The following GLIS3 variants were observed in gnomAD, a reference collection of about 807,000 sequenced individuals.
The protein encoded by GLIS3 is GLIS family zinc finger 3, also known as zinc finger protein GLIS3.
A neutral mutation model predicts 78.6 loss-of-function variants in GLIS3; 53 were observed. The ratio of observed to expected loss-of-function variants is 0.67; its 90% CI spans 0.54 to 0.85. The LOEUF (loss-of-function observed/expected upper bound fraction) is 0.85. GLIS3 is among the 40% of genes least tolerant of loss of function. GLIS3 has a pLI of 0.00. For missense variants in GLIS3, 1,703 were observed against 1,231.1 expected, an observed-to-expected ratio of 1.38 and a Z score of -5.74; for synonymous variants, 684 against 509.9, an observed-to-expected ratio of 1.34 and a Z score of -4.60.
At chr9:4,107,653 G>A (rs564131022) in intron 4 of GLIS3, among the ~76,000 whole-genome samples, 8 of 151,804 alleles carry the variant, frequency 5.3e-5, no homozygotes, top group African/African-American at 1.5e-4. Context: ...TACTGCCCAA[G>A]AGTATCTTTC....
At chr9:4,380,809 G>C in the GLIS3 span, among the ~76,000 whole-genome samples, 1 of 152,164 alleles carries the variant, frequency 6.6e-6, no homozygotes, top group Non-Finnish European at 1.5e-5. Context: ...TTTTGGGATG[G>C]GAGATGCAAG....
At chr9:4,019,949 G>C (rs1822748296) in intron 4 of GLIS3, among the ~76,000 whole-genome samples, 1 of 152,048 alleles carries the variant, frequency 6.6e-6, no homozygotes, top group Admixed American at 6.6e-5. Flanking sequence ...GTAGAGACGG[G>C]GTATTGTTAT....
the GLIS3 span, among the ~76,000 whole-genome samples, chr9:4,357,067 C>A: frequency 6.6e-6 from 1 of 152,204 alleles, no homozygotes; most frequent in South Asian, 2.1e-4. Context: ...ACAAACAGAA[C>A]TGAAACAAAA....
At chr9:4,212,307 T>G (rs138570225) in intron 2 of GLIS3, among the ~76,000 whole-genome samples, 45 of 152,342 alleles carry the variant, frequency 3.0e-4, no homozygotes, top group African/African-American at 1.0e-3. Flanking sequence ...GTCTTCAGCT[T>G]CATTTCACAG....
chr9:4,179,794 C>G (rs1359810706), intron 2 of GLIS3, among the ~76,000 whole-genome samples: 3 of 151,784 alleles, frequency 2.0e-5, no homozygotes, highest in Non-Finnish European at 4.4e-5. Flanking sequence ...CCTGTAATCC[C>G]AGCTACCCAG....
At chr9:4,262,403 G>A (rs370950891) in intron 2 of GLIS3, among the ~76,000 whole-genome samples, 54 of 152,232 alleles carry the variant, frequency 3.5e-4, no homozygotes, top group African/African-American at 1.3e-3. Flanking sequence ...AAACAAGCAA[G>A]CTGGAGAGGG....
At chr9:4,275,909 T>G (rs972296979) in intron 2 of GLIS3, among the ~76,000 whole-genome samples, 1 of 152,130 alleles carries the variant, frequency 6.6e-6, no homozygotes, top group Admixed American at 6.5e-5. Context: ...TCAAATCACA[T>G]GAGATAATCA....
At chr9:4,395,496 T>C in the GLIS3 span, among the ~76,000 whole-genome samples, 2 of 152,190 alleles carry the variant, frequency 1.3e-5, no homozygotes, top group African/African-American at 4.8e-5. Context: ...CCAGCTCCGA[T>C]GCTCTAGCTG....
chr9:4,277,730 G>A (rs963215570), intron 2 of GLIS3, among the ~76,000 whole-genome samples: 5 of 152,144 alleles, frequency 3.3e-5, no homozygotes, highest in Non-Finnish European at 7.4e-5. Flanking sequence ...ATTCCTCCGG[G>A]TACTACAAAT....
chr9:4,422,984 G>A, the GLIS3 span, among the ~76,000 whole-genome samples: 1 of 152,168 alleles, frequency 6.6e-6, no homozygotes, highest in African/African-American at 2.4e-5. Flanking sequence ...CATCACAGGA[G>A]TCAAAAGAGA....
intron 2 of GLIS3, among the ~76,000 whole-genome samples, chr9:4,340,819 C>A (rs910085044): frequency 6.6e-6 from 1 of 152,090 alleles, no homozygotes; most frequent in African/African-American, 2.4e-5. Context: ...CCTCAGCCAC[C>A]CAAGTAGCTA....
chr9:4,105,622 AC>A (rs1830690750), intron 4 of GLIS3, among the ~76,000 whole-genome samples: 1 of 152,096 alleles, frequency 6.6e-6, no homozygotes, highest in Admixed American at 6.5e-5. Context: ...TATTTTCCTG[AC>A]TCTGTGGTCT....
chr9:3,956,836 C>T lies in GLIS3; in HGVS notation c.1711-19647G>A, dbSNP rs866417421. On this transcript the variant is annotated intron_variant, in intron 4 of 10. Transcript: ENST00000381971. ...TTTATCTGGCTTTTTTCTTTTGCAGCTTCACTGACATGATGAGAGCTCCCC... is the reference window on the plus strand; with the variant it reads ...TTTATCTGGCTTTTTTCTTTTGCAGTTTCACTGACATGATGAGAGCTCCCC... 1.4e-4 allele frequency among the ~76,000 whole-genome samples: 22 copies of T among 152,146 alleles called. 1 individual carries two copies. The highest frequency in any genetic ancestry group is 1.4e-3 in the Admixed American group (21 of 15,264).
At position 3,898,824 on chromosome 9, in the gene GLIS3, G is replaced by C. The variant is rs755350906; in HGVS notation, c.1995C>G (p.Ser665Arg). The C allele has an allele frequency of 2.2e-5, 36 of 1,613,984 alleles. No individual in the cohort carries two copies. Among genetic ancestry groups the C allele is most frequent in the Non-Finnish European group, 2.8e-5 (33 of 1,180,032 alleles). The change falls in exon 7 of 11, where the codon AGC becomes AGG. Residue 665 changes from serine to arginine, a missense_variant. By Grantham distance (110) the Ser-to-Arg change is moderately radical. Coordinates refer to ENST00000381971, the MANE Select transcript of GLIS3 (RefSeq NM_001042413.2). Reference sequence around the variant, plus strand: ...TGAGCAGGTCTGGATGGAGCTCTGTGCTGGACCGCAACTAAGAGGACAAAA... The same window carrying C: ...TGAGCAGGTCTGGATGGAGCTCTGTCCTGGACCGCAACTAAGAGGACAAAA... ...EQQARKKLRSSTELHPDLLTD... is the reference protein window; with the variant it reads ...EQQARKKLRSRTELHPDLLTD...
At position 4,085,907 on chromosome 9, in the gene GLIS3, G is replaced by C. The variant is rs376314550; in HGVS notation, c.1710+31861C>G. Among the ~76,000 whole-genome samples, 26 of 152,286 alleles carry C rather than the reference G, an allele frequency of 1.7e-4. No homozygotes were observed. In the East Asian group the frequency reaches 4.0e-3, roughly 24 times the overall value. On this transcript the variant is annotated intron_variant, in intron 4 of 10. Coordinates refer to ENST00000381971, the MANE Select transcript of GLIS3 (RefSeq NM_001042413.2). ...TGCTTCCTGTAAAGCCTGCAGAACT[G>C]TGAGCAAATTAAACCTCTTTTCTCA...
intron 2 of GLIS3, among the ~76,000 whole-genome samples, chr9:4,314,787 A>C (rs1425527190): frequency 1.3e-5 from 2 of 152,196 alleles, no homozygotes; most frequent in Non-Finnish European, 2.9e-5. Flanking sequence ...AAGTTCCTTT[A>C]ACCTCTGTCC....
chr9:3,990,585 C>T lies in GLIS3; in HGVS notation c.1711-53396G>A, dbSNP rs185757989. Among the ~76,000 whole-genome samples the T allele has an allele frequency of 2.7e-4, 41 of 152,234 alleles. No homozygotes were observed. In the East Asian group the frequency reaches 5.0e-3, roughly 19 times the overall value. ...CAATATTCTGGCTCTGTAGGGTGAA[C>T]AGAAATTTCCTGGCACCCTGAGGAT... On this transcript the variant is annotated intron_variant, in intron 4 of 10. Coordinates refer to ENST00000381971, the MANE Select transcript of GLIS3 (RefSeq NM_001042413.2).
chr9:4,046,160 G>A (rs980072507), intron 4 of GLIS3, among the ~76,000 whole-genome samples: 1 of 152,092 alleles, frequency 6.6e-6, no homozygotes, highest in Non-Finnish European at 1.5e-5. Context: ...AATTATAGAG[G>A]GGGGTGTAAA....
the GLIS3 span, among the ~76,000 whole-genome samples, chr9:4,486,510 C>G: frequency 6.6e-6 from 1 of 152,332 alleles, no homozygotes; most frequent in South Asian, 2.1e-4. Context: ...AGCCCCCATT[C>G]TTTCTGTAAC....
Sources: gnomAD v4.1 joint callset for allele counts (sites outside exome capture counted in the v4.1 genomes callset) on GRCh38, gnomAD v4.1.1 for gene constraint, MANE v1.5 for transcripts, NCBI Gene and HGNC (gene_info 2026-07-23, HGNC 2026-07-21) for gene names.